Variants in ERN1 observed in about 807,000 individuals in gnomAD.
ERN1 encodes the protein serine/threonine-protein kinase/endoribonuclease IRE1.
ERN1 carries 39 observed loss-of-function variants against 113.1 expected under a neutral mutation model. The observed-to-expected ratio is 0.34, with a 90% CI of 0.27 to 0.45. The LOEUF is 0.45. Ranked by LOEUF, ERN1 falls within the 20% of genes least tolerant of loss-of-function variation. ERN1 has a pLI of 1.00. For synonymous variants in ERN1, 507 were observed against 515.9 expected (o/e 0.98, Z 0.23); for missense variants, 976 against 1,274.8 (o/e 0.77, Z 3.57).
rs74718036 is a variant in ERN1, at chr17:64,110,823, T to C, written c.55-12582A>G. Among the ~76,000 whole-genome samples the C allele has an allele frequency of 1.7e-3, 253 of 152,314 alleles. 2 individuals carry two copies. The East Asian group carries it at 0.042, about 26-fold the overall frequency. ...CTTTATGCAGCCTCACACGTTTGAATAGAGATTGGAAAGCACAAGAAACTG... is the reference window on the plus strand; with the variant it reads ...CTTTATGCAGCCTCACACGTTTGAACAGAGATTGGAAAGCACAAGAAACTG... On this transcript the variant is annotated intron_variant, in intron 1 of 21. Coordinates refer to ENST00000433197, the MANE Select transcript of ERN1 (RefSeq NM_001433.5).
chr17:64,053,062 C>T (rs1912738433), intron 16 of ERN1, 83 bp from the exon 17 acceptor site: 1 of 1,188,918 alleles, frequency 8.4e-7, no homozygotes, highest in East Asian at 2.6e-5. Context: ...CCTCGTCAGA[C>T]TCCCAATATG....
At chr17:64,089,527 A>T (rs1356658726) in intron 2 of ERN1, among the ~76,000 whole-genome samples, 1 of 152,082 alleles carries the variant, frequency 6.6e-6, no homozygotes, top group Non-Finnish European at 1.5e-5. Context: ...TTCCAAACCT[A>T]AAAAAATCCA....
intron 4 of ERN1, 21 bp from the exon 5 acceptor site, chr17:64,075,268 A>AAAG: frequency 7.0e-7 from 1 of 1,420,808 alleles, no homozygotes; most frequent in Non-Finnish European, 9.4e-7. Flanking sequence ...AAAAAAAAAG[A>AAAG]AAAAAAAAAG....
rs902521005 is a variant in ERN1, at chr17:64,130,040, C to A, written c.-11G>T. 2 of 1,411,164 alleles carry A rather than the reference C, an allele frequency of 1.4e-6. No individual in the cohort carries two copies. The highest frequency in any genetic ancestry group is 3.0e-5 in the African/African-American group (2 of 66,632). The allele number at this position is 1,411,164 out of a possible 1,614,324, so 87.4% of individuals were successfully genotyped here. A position where few individuals can be genotyped will look rare whatever the true frequency, so the allele number is the denominator to read the frequency against. On this transcript the variant is annotated 5_prime_UTR_variant, in exon 1 of 22. Transcript: ENST00000433197. The surrounding 1 kb of genome is among the most constrained non-coding windows in gnomAD (Gnocchi z 4.0). ...CCGCCGGGCCGGCATGGCGAGGACTCGGCCCTGGCTCCGGGGGCGGTACGG... is the reference window on the plus strand; with the variant it reads ...CCGCCGGGCCGGCATGGCGAGGACTAGGCCCTGGCTCCGGGGGCGGTACGG...
chr17:64,129,821 GC>G, intron 1 of ERN1, 154 bp downstream of exon 1: 1 of 631,370 alleles, frequency 1.6e-6, no homozygotes, highest in Non-Finnish European at 2.3e-6. Context: ...CGCCTCCTAC[GC>G]CCGGCCCGAG....
intron 4 of ERN1, among the ~76,000 whole-genome samples, chr17:64,078,967 C>A (rs1278535279): frequency 6.6e-6 from 1 of 152,216 alleles, no homozygotes; most frequent in Admixed American, 6.5e-5. Context: ...GATTGTGCCA[C>A]TGCATTCCAA....
chr17:64,041,163 A>G lies in ERN1; in HGVS notation c.*2825T>C, dbSNP rs1912325876. The G allele has an allele frequency of 6.6e-6, 1 of 152,202 alleles. No individual in the cohort carries two copies. Among genetic ancestry groups the G allele is most frequent in the African/African-American group, 2.4e-5 (1 of 41,432 alleles). 9.4% of individuals were successfully genotyped at this position (152,202 alleles called of 1,614,324 possible). On this transcript the variant is annotated 3_prime_UTR_variant, in exon 22 of 22. Coordinates refer to ENST00000433197, the MANE Select transcript of ERN1 (RefSeq NM_001433.5). ...ACTCTGTCTCAAAAAAACAAAAAAC[A>G]AACGAAAAAACACTGAAATTAAAAA...
chr17:64,070,482 T>C (rs1913374687), intron 6 of ERN1, among the ~76,000 whole-genome samples: 1 of 152,214 alleles, frequency 6.6e-6, no homozygotes, highest in African/African-American at 2.4e-5. Flanking sequence ...TGTAAGAATT[T>C]ACTTAATGGA....
chr17:64,044,071 A>T lies in ERN1; in HGVS notation c.2851T>A (p.Cys951Ser), dbSNP rs1431902985. 2 of 1,613,706 alleles carry T rather than the reference A, an allele frequency of 1.2e-6. No individual in the cohort carries two copies. Among genetic ancestry groups the T allele is most frequent in the South Asian group, 2.2e-5 (2 of 91,018 alleles). The change falls in exon 22 of 22, where the codon TGC becomes AGC. Residue 951 changes from cysteine (C) to serine (S), a missense_variant. Transcript: ENST00000433197. This position sits in a 1 kb window ranked among gnomAD's most constrained non-coding sequence, Gnocchi z 4.1. The stretch of plus-strand genomic sequence containing the variant: ...GGCTGGAAGAGTCTCTCGTGGCTGC[A>T]CAGCTCCATGGCCCGGTAGGTGTGT... ...LAHTYRAMEL[C>S]SHERLFQPYY...
intron 2 of ERN1, among the ~76,000 whole-genome samples, chr17:64,081,714 G>C (rs949137015): frequency 2.0e-5 from 3 of 152,182 alleles, no homozygotes; most frequent in East Asian, 3.8e-4. Flanking sequence ...GCAAGAGCAG[G>C]CATTACTTTT....
intron 1 of ERN1, among the ~76,000 whole-genome samples, chr17:64,117,746 C>T (rs1244918596): frequency 2.0e-5 from 3 of 152,166 alleles, no homozygotes; most frequent in Non-Finnish European, 4.4e-5. Context: ...CCGATGAAAC[C>T]ACACCACGGT....
rs750409944 is a variant in ERN1, at chr17:64,068,174, A to G, written c.580+16T>C. 1.3e-6 allele frequency: 2 copies of G among 1,582,080 alleles called. No individual in the cohort carries two copies. Among genetic ancestry groups the G allele is most frequent in the African/African-American group, 1.3e-5 (1 of 74,280 alleles). ...GTACTGGCCCAAGCTTGTGAAATCC[A>G]GCAGAGAGCACTTACTGTAGTCCAC... On this transcript the variant is annotated intron_variant, in intron 7 of 21. Transcript: ENST00000433197.
At chr17:64,075,641 T>C (rs1157032658) in intron 4 of ERN1, among the ~76,000 whole-genome samples, 1 of 152,200 alleles carries the variant, frequency 6.6e-6, no homozygotes, top group Non-Finnish European at 1.5e-5. Flanking sequence ...GTCCCTGAGC[T>C]CTGTAAACAT....
chr17:64,085,943 G>A (rs764352938), intron 2 of ERN1, among the ~76,000 whole-genome samples: 1 of 152,202 alleles, frequency 6.6e-6, no homozygotes, highest in Admixed American at 6.5e-5. Flanking sequence ...AAGGGAGACT[G>A]AGTGAGCTTG....
chr17:64,110,972 A>G (rs1485385183), intron 1 of ERN1, among the ~76,000 whole-genome samples: 1 of 152,160 alleles, frequency 6.6e-6, no homozygotes, highest in Non-Finnish European at 1.5e-5. Flanking sequence ...CCAGCTTATC[A>G]AGTGGTCGGC....
At chr17:64,048,236 G>T (rs912506807) in intron 18 of ERN1, among the ~76,000 whole-genome samples, 2 of 152,180 alleles carry the variant, frequency 1.3e-5, no homozygotes. Context: ...GCCTCCCTAC[G>T]CTGGGCCATG....
In ERN1 at chr17:64,047,940, T is replaced by C; in HGVS notation, c.2447A>G (p.Asp816Gly). ...CTTCGCTGAGGGGCGTTTCTGAGGA[T>C]CCATCGCAATCATCTTCTCTATCAA... is the stretch of plus-strand genomic sequence containing the variant. The part of the protein sequence containing the change: ...RELIEKMIAM[D>G]PQKRPSAKHV... Residue 816 changes from aspartate to glycine, a missense_variant, in exon 19 of 22, where the codon GAT (aspartate) becomes GGT (glycine). Asp to Gly is a moderately conservative substitution (Grantham distance 94). Transcript: ENST00000433197. The C allele has an allele frequency of 1.2e-6, 2 of 1,613,462 alleles. No individual in the cohort carries two copies. The highest frequency in any genetic ancestry group is 1.7e-6 in the Non-Finnish European group (2 of 1,179,472).
At position 64,066,590 on chromosome 17, in the gene ERN1, C is replaced by T. The variant is rs1410072819; in HGVS notation, c.842+81G>A. The T allele has an allele frequency of 1.0e-5, 16 of 1,527,696 alleles. 1 individual carries two copies. In the Admixed American group the frequency reaches 2.0e-4, roughly 19 times the overall value. The allele number at this position is 1,527,696 out of a possible 1,614,324, so 94.6% of individuals were successfully genotyped here. A position where few individuals can be genotyped will look rare whatever the true frequency, so the allele number is the denominator to read the frequency against. On this transcript the variant is annotated intron_variant, in intron 8 of 21. Coordinates refer to ENST00000433197, the MANE Select transcript of ERN1 (RefSeq NM_001433.5). The stretch of plus-strand genomic sequence containing the variant: ...AGAGACTGCCCTGTCTTTGGCCTCC[C>T]GTGCAGGGCCTGCTACACTGCAACA...
intron 19 of ERN1, among the ~76,000 whole-genome samples, chr17:64,045,785 C>T (rs1912494926): frequency 6.6e-6 from 1 of 152,164 alleles, no homozygotes; most frequent in Admixed American, 6.5e-5. Flanking sequence ...GTGTACGGAG[C>T]CGCAAGTGCA....
Sources: allele counts gnomAD v4.1 joint callset (sites outside exome capture counted in the v4.1 genomes callset), GRCh38; gene constraint gnomAD v4.1.1; non-coding constraint Gnocchi (gnomAD v3.1); transcripts MANE v1.5; gene names NCBI Gene and HGNC (gene_info 2026-07-23, HGNC 2026-07-21).